Variants in NUBPL observed in about 807,000 individuals in gnomAD.
NUBPL encodes the protein NUBP iron-sulfur cluster assembly factor, mitochondrial.
NUBPL carries 31 observed loss-of-function variants against 45.7 expected under a neutral mutation model. The ratio of observed to expected loss-of-function variants is 0.68; its 90% CI spans 0.51 to 0.92. The LOEUF (loss-of-function observed/expected upper bound fraction) is 0.92, where lower values mean the gene tolerates loss of function less well. NUBPL is among the 40% of genes least tolerant of loss of function. The pLI is 0.00. For missense variants in NUBPL, 401 were observed against 398.7 expected, an observed-to-expected ratio of 1.01 and a Z score of -0.05; for synonymous variants, 144 against 140.9, an observed-to-expected ratio of 1.02 and a Z score of -0.15.
At chr14:31,634,125 T>C (rs987143784) in intron 4 of NUBPL, among the ~76,000 whole-genome samples, 1 of 151,986 alleles carries the variant, frequency 6.6e-6, no homozygotes, top group Non-Finnish European at 1.5e-5. Context: ...TTAGGGTACA[T>C]GTACACAATG....
intron 7 of NUBPL, among the ~76,000 whole-genome samples, chr14:31,807,615 T>G (rs150167430): frequency 0.077 from 11,637 of 151,976 alleles, 503 homozygotes; most frequent in Non-Finnish European, 0.092. Context: ...GTGCAGAAGC[T>G]CTTTAGTTTA....
At chr14:31,679,842 G>T (rs2036788612) in intron 6 of NUBPL, among the ~76,000 whole-genome samples, 1 of 152,270 alleles carries the variant, frequency 6.6e-6, no homozygotes, top group Admixed American at 6.5e-5. Context: ...GATGAATTGA[G>T]ATTCTGACAA....
intron 6 of NUBPL, among the ~76,000 whole-genome samples, chr14:31,693,948 T>C (rs922933561): frequency 4.1e-5 from 6 of 146,954 alleles, no homozygotes; most frequent in African/African-American, 1.6e-4. Flanking sequence ...CTCCGCCTCC[T>C]GGGTTCACAC....
chr14:31,561,631 C>A, intron 1 of NUBPL, 84 bp downstream of exon 1: 2 of 922,152 alleles, frequency 2.2e-6, no homozygotes, highest in Non-Finnish European at 3.0e-6. Context: ...TGCTTCTTGC[C>A]AAAGACTCGC....
Position 31,561,474 on chromosome 14 carries a change from G to C in NUBPL, c.35G>C (p.Gly12Ala), listed in dbSNP as rs1198887263. The C allele has an allele frequency of 2.8e-6, 4 of 1,416,834 alleles. No individual in the cohort carries two copies. The East Asian group carries it at 1.1e-4, about 39-fold the overall frequency. 87.8% of individuals were successfully genotyped at this position (1,416,834 alleles called of 1,614,324 possible). The change falls in exon 1 of 11, where the codon GGG (glycine) becomes GCG (alanine). Residue 12 changes from glycine (G) to alanine (A), a missense_variant. Physicochemically the swap from Gly to Ala is moderately conservative, Grantham distance 60. Transcript: ENST00000281081. ...GIWQRLLLFG[G>A]VSLRAGGGAT... is the part of the protein sequence containing the mutation. Reference sequence around the variant, plus strand: ...TGGCAGCGTCTGCTGCTTTTTGGTGGGGTGTCGCTCCGGGCTGGTGGCGGG... The same window carrying C: ...TGGCAGCGTCTGCTGCTTTTTGGTGCGGTGTCGCTCCGGGCTGGTGGCGGG...
chr14:31,676,370 G>T (rs2036698953), intron 6 of NUBPL, among the ~76,000 whole-genome samples: 1 of 152,144 alleles, frequency 6.6e-6, no homozygotes, highest in South Asian at 2.1e-4. Flanking sequence ...TAAGGCTTTT[G>T]AAATTCATGT....
At chr14:31,672,905 A>G (rs1000308466) in intron 4 of NUBPL, among the ~76,000 whole-genome samples, 2 of 152,228 alleles carry the variant, frequency 1.3e-5, no homozygotes, top group Non-Finnish European at 2.9e-5. Context: ...ATTGCACAAT[A>G]TGAGTAGCCT....
intron 6 of NUBPL, among the ~76,000 whole-genome samples, chr14:31,690,820 A>G (rs2037076249): frequency 6.6e-6 from 1 of 152,234 alleles, no homozygotes; most frequent in African/African-American, 2.4e-5. Flanking sequence ...GCCACACCAG[A>G]GGAATTAACA....
intron 7 of NUBPL, among the ~76,000 whole-genome samples, chr14:31,826,267 C>T (rs913786693): frequency 9.2e-5 from 14 of 152,120 alleles, no homozygotes; most frequent in African/African-American, 2.2e-4. Context: ...ATTACAGGCA[C>T]GAGCCACCAT....
chr14:31,651,637 G>A (rs188314190), intron 4 of NUBPL, among the ~76,000 whole-genome samples: 4 of 152,188 alleles, frequency 2.6e-5, no homozygotes, highest in East Asian at 3.9e-4. Context: ...GGTGGCTCAC[G>A]CCTGTAATCC....
At chr14:31,585,207 A>C (rs549402899) in intron 3 of NUBPL, among the ~76,000 whole-genome samples, 2 of 152,296 alleles carry the variant, frequency 1.3e-5, no homozygotes, top group South Asian at 4.1e-4. Context: ...CACATATAAA[A>C]TACACTAACA....
intron 6 of NUBPL, among the ~76,000 whole-genome samples, chr14:31,777,060 T>A (rs749541210): frequency 6.6e-6 from 1 of 152,244 alleles, no homozygotes; most frequent in African/African-American, 2.4e-5. Flanking sequence ...TTAGTTCTGA[T>A]TGATTGATAC....
intron 6 of NUBPL, among the ~76,000 whole-genome samples, chr14:31,732,377 T>TTAA (rs1349696276): frequency 1.3e-4 from 20 of 152,030 alleles, no homozygotes; most frequent in Middle Eastern, 3.4e-3. Flanking sequence ...AAACACTTTT[T>TTAA]TAATACACTG....
intron 9 of NUBPL, 102 bp from the exon 10 acceptor site, chr14:31,850,017 A>G (rs370317667): frequency 1.2e-6 from 1 of 829,876 alleles, no homozygotes; most frequent in Non-Finnish European, 2.1e-6. Context: ...ATTTGAATCA[A>G]TTTAGTTCCG....
rs901537356 is a variant in NUBPL at position 31,647,707 on chromosome 14, T to G, written c.383-25648T>G. On this transcript the variant is annotated intron_variant, in intron 4 of 10. Coordinates refer to ENST00000281081, the MANE Select transcript of NUBPL (RefSeq NM_025152.3). ...TGCCTTTGGCTGTCCTCAGGGATAT[T>G]TCTCCCTTTAGGCGTTCATGATGCT... is the stretch of plus-strand genomic sequence containing the variant. 1.8e-4 allele frequency among the ~76,000 whole-genome samples: 28 copies of G among 152,202 alleles called. 1 individual carries two copies. The highest frequency in any genetic ancestry group is 3.3e-4 in the Admixed American group (5 of 15,286).
chr14:31,677,264 T>C (rs2036722852), intron 6 of NUBPL, among the ~76,000 whole-genome samples: 1 of 152,206 alleles, frequency 6.6e-6, no homozygotes, highest in South Asian at 2.1e-4. Context: ...CGTGTTGTGC[T>C]AGCAAATATT....
chr14:31,611,128 A>C (rs1298399518), intron 4 of NUBPL, among the ~76,000 whole-genome samples: 1 of 152,200 alleles, frequency 6.6e-6, no homozygotes, highest in African/African-American at 2.4e-5. Flanking sequence ...TTGGAAGGGA[A>C]GATGTCAAAT....
At chr14:31,853,389 G>T (rs948281953) in intron 10 of NUBPL, among the ~76,000 whole-genome samples, 5 of 152,124 alleles carry the variant, frequency 3.3e-5, no homozygotes, top group African/African-American at 1.2e-4. Context: ...ACTTTTAGGG[G>T]TTGACTCATA....
At chr14:31,817,937 A>G (rs760729585) in intron 7 of NUBPL, among the ~76,000 whole-genome samples, 14 of 152,160 alleles carry the variant, frequency 9.2e-5, no homozygotes, top group Middle Eastern at 3.2e-3. Flanking sequence ...AAAGACACAC[A>G]TAGGCTCAAA....
Sources: gnomAD v4.1 joint callset for allele counts (sites outside exome capture counted in the v4.1 genomes callset) on GRCh38, gnomAD v4.1.1 for gene constraint, MANE v1.5 for transcripts, NCBI Gene and HGNC (gene_info 2026-07-23, HGNC 2026-07-21) for gene names.